Variants in ADGRB2 observed in about 807,000 individuals in gnomAD.
ADGRB2 encodes brain-specific angiogenesis inhibitor 2.
A neutral mutation model predicts 178.7 loss-of-function variants in ADGRB2; 47 were observed. The ratio of observed to expected loss-of-function variants is 0.26; its 90% confidence interval spans 0.21 to 0.34. The LOEUF (loss-of-function observed/expected upper bound fraction) is 0.34, where lower values mean the gene tolerates loss of function less well. Among genes scored for constraint, ADGRB2 ranks in the 10% least tolerant of loss-of-function variants. The pLI is 1.00. For synonymous variants in ADGRB2, 870 were observed against 912.4 expected, an observed-to-expected ratio of 0.95 and a Z score of 0.84; for missense variants, 1,584 against 2,180.8, an observed-to-expected ratio of 0.73 and a Z score of 5.45.
At position 31,741,356 on chromosome 1, in the gene ADGRB2, C is replaced by G; in HGVS notation, c.1794+17G>C. ...AGACAGATTCTGCTGTGCCCCAGCCCAGCAGGGTGCACTCACTGACAGATA... is the reference window on the plus strand; with the variant it reads ...AGACAGATTCTGCTGTGCCCCAGCCGAGCAGGGTGCACTCACTGACAGATA... On this transcript the variant is annotated intron_variant, in intron 11 of 32. Transcript: ENST00000373658. The surrounding 1 kb of genome is among the most constrained non-coding windows in gnomAD (Gnocchi z 6.5). 6.3e-7 allele frequency: 1 copy of G among 1,584,646 alleles called. No individual in the cohort carries two copies. The highest frequency in any genetic ancestry group is 1.3e-5 in the African/African-American group (1 of 74,726).
chr1:31,727,499 C>T lies in ADGRB2; in HGVS notation c.4679G>A (p.Arg1560Gln), dbSNP rs747810006. 16 of 1,596,366 alleles carry T rather than the reference C, an allele frequency of 1.0e-5. No individual in the cohort carries two copies. Among genetic ancestry groups the T allele is most frequent in the Admixed American group, 7.4e-5 (4 of 53,962 alleles). The change falls in exon 33 of 33, where the codon CGA becomes CAA. Residue 1560 changes from arginine (R) to glutamine (Q), a missense_variant. Arg to Gln is a conservative substitution (Grantham distance 43). Around this residue, in one of 3 missense-constraint regions of ADGRB2, gnomAD observed 865 missense variants for 1,192.8 expected, o/e 0.73. Transcript: ENST00000373658. The surrounding 1 kb of genome is among the most constrained non-coding windows in gnomAD (Gnocchi z 4.4). ...MTLGSLPPKP[R>Q]ERLTLHRAAA... is the part of the protein sequence containing the mutation. Reference sequence around the variant, plus strand: ...TGCCCGGTGCAGAGTCAGCCGTTCTCGGGGCTTGGGGGGCAGCGAGCCCAG... The same window carrying T: ...TGCCCGGTGCAGAGTCAGCCGTTCTTGGGGCTTGGGGGGCAGCGAGCCCAG...
At chr1:31,745,278 A>T (rs1412816280) in intron 4 of ADGRB2, among the ~76,000 whole-genome samples, 2 of 152,186 alleles carry the variant, frequency 1.3e-5, no homozygotes, top group African/African-American at 4.8e-5. Flanking sequence ...ATGCTCCCCA[A>T]GCAGCACTGG....
intron 15 of ADGRB2, 182 bp from the exon 16 acceptor site, chr1:31,739,119 G>T: frequency 1.2e-6 from 1 of 851,092 alleles, no homozygotes; most frequent in Non-Finnish European, 1.8e-6. Context: ...CCCGCTGGGT[G>T]GCAGCCCAGC....
Position 31,755,404 on chromosome 1 carries a change from G to A in ADGRB2, c.838+595C>T, listed in dbSNP as rs1177024581. On this transcript the variant is annotated intron_variant, in intron 4 of 32. Coordinates refer to ENST00000373658, the MANE Select transcript of ADGRB2 (RefSeq NM_001364857.2). This position sits in a 1 kb window ranked among gnomAD's most constrained non-coding sequence, Gnocchi z 5.1. ...GTCCTGAGGGGGAAGACGGGACACT[G>A]GGAGCTGAGCCAGCCCAGCCCTCCA... Among the ~76,000 whole-genome samples the A allele has an allele frequency of 6.6e-6, 1 of 152,104 alleles. No homozygotes were observed. The highest frequency in any genetic ancestry group is 1.5e-5 in the Non-Finnish European group (1 of 68,004).
At chr1:31,749,682 A>C (rs1443866756) in intron 4 of ADGRB2, among the ~76,000 whole-genome samples, 1 of 152,216 alleles carries the variant, frequency 6.6e-6, no homozygotes, top group Admixed American at 6.5e-5. Flanking sequence ...GAAGCCGAGG[A>C]GGGCGGATCG....
At position 31,738,908 on chromosome 1, in the gene ADGRB2, A is replaced by G; in HGVS notation, c.2525T>C (p.Met842Thr). Residue 842 changes from methionine to threonine, a missense_variant, in exon 16 of 33, where the codon ATG becomes ACG. Physicochemically the swap from Met to Thr is moderately conservative, Grantham distance 81 (BLOSUM62 -1). Transcript: ENST00000373658. Reference protein sequence around the residue: ...RPPLAVTSRVMTVTVRPPTQP... With the variant: ...RPPLAVTSRVTTVTVRPPTQP... ...GGTAGGGGGGCGCACAGTCACTGTC[A>G]TCACCCGGGATGTGACGGCCAGCGG... 6.2e-7 allele frequency: 1 copy of G among 1,613,522 alleles called. No individual in the cohort carries two copies. Among genetic ancestry groups the G allele is most frequent in the Non-Finnish European group, 8.5e-7 (1 of 1,179,872 alleles).
In ADGRB2 at chr1:31,739,527, A is replaced by C; in HGVS notation, c.2276T>G (p.Leu759Arg). The change falls in exon 15 of 33, where the codon CTC (leucine) becomes CGC (arginine). Residue 759 changes from leucine (L) to arginine (R), a missense_variant. By Grantham distance (102) the Leu-to-Arg change is moderately radical (BLOSUM62 -2). This residue lies in a region of ADGRB2 where 865 missense variants were observed against 1,192.8 expected (regional missense o/e 0.73). Coordinates refer to ENST00000373658, the MANE Select transcript of ADGRB2 (RefSeq NM_001364857.2). ...KDWVRHSEDR[L>R]FLPKEVLSLS... The stretch of plus-strand genomic sequence containing the variant: ...GCTGAGCACCTCCTTGGGCAGGAAG[A>C]GGCGGTCCTCTGAGTGCCGCACCCA... 6.2e-7 allele frequency: 1 copy of C among 1,613,096 alleles called. No individual in the cohort carries two copies. The highest frequency in any genetic ancestry group is 8.5e-7 in the Non-Finnish European group (1 of 1,179,954).
chr1:31,756,312 G>C lies in ADGRB2; in HGVS notation c.525C>G (p.Pro175=). 6.2e-7 allele frequency: 1 copy of C among 1,612,928 alleles called. No individual in the cohort carries two copies. Reference sequence around the variant, plus strand: ...CGACAAAGCGGAAGGCTAGGGCAGCGGGCGCCAGCAGGCGCGGGGCCTCGG... The same window carrying C: ...CGACAAAGCGGAAGGCTAGGGCAGCCGGCGCCAGCAGGCGCGGGGCCTCGG... ...EPSEAPRLLA[P]AALAFRFVEV... is the part of the protein sequence containing the mutation. The change falls in exon 4 of 33, where the codon CCC becomes CCG. Residue 175 remains proline (P), a synonymous_variant. Transcript: ENST00000373658. The surrounding 1 kb of genome is among the most constrained non-coding windows in gnomAD (Gnocchi z 8.5).
chr1:31,731,597 C>A (rs151169496), intron 28 of ADGRB2, among the ~76,000 whole-genome samples, 178 bp from the exon 29 acceptor site: 1 of 152,178 alleles, frequency 6.6e-6, no homozygotes, highest in East Asian at 1.9e-4. Context: ...AAGAAGACAA[C>A]GGCTCCAAAG....
chr1:31,728,120 G>A lies in ADGRB2; in HGVS notation c.4516-39C>T. The A allele has an allele frequency of 2.5e-6, 4 of 1,613,010 alleles. No individual in the cohort carries two copies. The highest frequency in any genetic ancestry group is 2.5e-6 in the Non-Finnish European group (3 of 1,179,754). ...CACCGGTCAGGCTCCAACCCCAGGG[G>A]CCACTGCACCAGGTCAGGCCCTGAG... On this transcript the variant is annotated intron_variant, in intron 31 of 32. Transcript: ENST00000373658. The surrounding 1 kb of genome is among the most constrained non-coding windows in gnomAD (Gnocchi z 6.7).
In ADGRB2 at chr1:31,738,247, G is replaced by C. The variant is rs763951855; in HGVS notation, c.2725C>G (p.Gln909Glu). The change falls in exon 18 of 33, where the codon CAG (glutamine) becomes GAG (glutamate). Residue 909 changes from glutamine to glutamate, a missense_variant. Coordinates refer to ENST00000373658, the MANE Select transcript of ADGRB2 (RefSeq NM_001364857.2). ...TQAAHTRCQC[Q>E]HLSTFAVLAQ... Reference sequence around the variant, plus strand: ...AGTACAGCAAAGGTGGACAGGTGCTGGCACTGGCAGCGGGTGTGAGCTGCC... The same window carrying C: ...AGTACAGCAAAGGTGGACAGGTGCTCGCACTGGCAGCGGGTGTGAGCTGCC... 10 of 1,613,956 alleles carry C rather than the reference G, an allele frequency of 6.2e-6. No homozygotes were observed. Among genetic ancestry groups the C allele is most frequent in the South Asian group, 1.1e-5 (1 of 91,076 alleles).
Position 31,741,731 on chromosome 1 carries a change from G to T in ADGRB2, c.1586-6C>A. The T allele has an allele frequency of 6.2e-7, 1 of 1,611,670 alleles. No individual in the cohort carries two copies. Reference sequence around the variant, plus strand: ...CCTGCACATCTCATGGAAGGCTGTGGGTGCAGGGGTAAGGTTCAGCTGGGT... The same window carrying T: ...CCTGCACATCTCATGGAAGGCTGTGTGTGCAGGGGTAAGGTTCAGCTGGGT... On this transcript the variant is annotated splice_polypyrimidine_tract_variant and splice_region_variant and intron_variant, in intron 9 of 32. Transcript: ENST00000373658. This position sits in a 1 kb window ranked among gnomAD's most constrained non-coding sequence, Gnocchi z 6.5.
At chr1:31,739,049 G>A in intron 15 of ADGRB2, 112 bp from the exon 16 acceptor site, 1 of 1,017,246 alleles carries the variant, frequency 9.8e-7, no homozygotes, top group Non-Finnish European at 1.4e-6. Context: ...CAAGGCCCAG[G>A]GGAAGGCCTA....
intron 4 of ADGRB2, among the ~76,000 whole-genome samples, chr1:31,751,316 C>G (rs1646559437): frequency 6.6e-6 from 1 of 152,220 alleles, no homozygotes; most frequent in African/African-American, 2.4e-5. Context: ...GGATCCTGGA[C>G]TGAGGATGTC....
At chr1:31,737,555 A>T (rs1263094542) in intron 19 of ADGRB2, 24 bp from the exon 20 acceptor site, 1 of 1,611,010 alleles carries the variant, frequency 6.2e-7, no homozygotes, top group African/African-American at 1.3e-5. Context: ...GCAGGCAGGG[A>T]CAGAGGCGCT....
chr1:31,743,023 G>A (rs917276854), intron 6 of ADGRB2, 21 bp from the exon 7 acceptor site: 20 of 1,403,660 alleles, frequency 1.4e-5, no homozygotes, highest in African/African-American at 1.2e-4. Flanking sequence ...GCACGTGGCC[G>A]GTGGCTGGGC....
Position 31,754,107 on chromosome 1 carries a change from C to G in ADGRB2, c.838+1892G>C, listed in dbSNP as rs547317015. Among the ~76,000 whole-genome samples, 1 of 152,348 alleles carries G rather than the reference C, an allele frequency of 6.6e-6. No homozygotes were observed. The highest frequency in any genetic ancestry group is 2.1e-4 in the South Asian group (1 of 4,832). ...CTCATGCCCAGGAATAATCAGGCATCCAGTCTCCACCCATCTCTAGCCCCA... is the reference window on the plus strand; with the variant it reads ...CTCATGCCCAGGAATAATCAGGCATGCAGTCTCCACCCATCTCTAGCCCCA... On this transcript the variant is annotated intron_variant, in intron 4 of 32. Coordinates refer to ENST00000373658, the MANE Select transcript of ADGRB2 (RefSeq NM_001364857.2). This position sits in a 1 kb window ranked among gnomAD's most constrained non-coding sequence, Gnocchi z 5.7.
rs528591701 is a variant in ADGRB2, at chr1:31,753,703, G to C, written c.838+2296C>G. On this transcript the variant is annotated intron_variant, in intron 4 of 32. Transcript: ENST00000373658. This position sits in a 1 kb window ranked among gnomAD's most constrained non-coding sequence, Gnocchi z 4.1. ...GGAGGGGGCCAAAGGCTCGGCAAAGGTGGTGCTGCCACAAGGCACAGACGG... is the reference window on the plus strand; with the variant it reads ...GGAGGGGGCCAAAGGCTCGGCAAAGCTGGTGCTGCCACAAGGCACAGACGG... 2.2e-4 allele frequency among the ~76,000 whole-genome samples: 33 copies of C among 152,378 alleles called. 1 individual carries two copies. The East Asian group carries it at 6.4e-3, about 29-fold the overall frequency.
chr1:31,748,836 C>T (rs1225645380), intron 4 of ADGRB2, among the ~76,000 whole-genome samples: 1 of 152,258 alleles, frequency 6.6e-6, no homozygotes, highest in Non-Finnish European at 1.5e-5. Flanking sequence ...CTCCTACATG[C>T]CAGTCACTGT....
Sources: gnomAD v4.1 joint callset for allele counts (sites outside exome capture counted in the v4.1 genomes callset) on GRCh38, gnomAD v4.1.1 for gene constraint, gnomAD v4.1.1 regional missense constraint, Gnocchi (gnomAD v3.1) non-coding constraint, MANE v1.5 for transcripts, NCBI Gene and HGNC (gene_info 2026-07-23, HGNC 2026-07-21) for gene names.